The following STK26 variants were observed in gnomAD, a reference collection of about 807,000 sequenced individuals.
STK26 encodes serine/threonine kinase 26.
Under a neutral mutation model 34.7 loss-of-function variants are expected in STK26, and 14 were observed. The observed-to-expected ratio is 0.40, with a 90% CI of 0.27 to 0.63. The LOEUF is 0.63. Among genes scored for constraint, STK26 ranks in the 30% least tolerant of loss-of-function variants. STK26 has a pLI of 0.38. For missense variants in STK26, 226 were observed against 309.1 expected (o/e 0.73, Z 2.02); for synonymous variants, 100 against 109.8 (o/e 0.91, Z 0.56).
chrX:132,066,336 G>A (rs995995242), intron 4 of STK26, among the ~76,000 whole-genome samples: 2 of 111,953 alleles, frequency 1.8e-5, no homozygotes, highest in Admixed American at 1.9e-4. Flanking sequence ...CCATAAGAGA[G>A]GGCATAAAAT....
chrX:132,055,464 G>A, intron 3 of STK26: 1 of 1,154,750 alleles, frequency 8.7e-7, no homozygotes, highest in Non-Finnish European at 1.1e-6. Flanking sequence ...AGGATCATGG[G>A]ATTAGCAGAC....
chrX:132,071,090 C>A lies in STK26; in HGVS notation c.805C>A (p.Leu269Met). ...PSFRPTAKEL[L>M]KHKFIVKNSK... ...TTAGCGTCCTACAGCAAAAGAACTTCTGAAACACAAATTCATTGTAAAAAA... is the reference window on the plus strand; with the variant it reads ...TTAGCGTCCTACAGCAAAAGAACTTATGAAACACAAATTCATTGTAAAAAA... Residue 269 changes from leucine to methionine, a missense_variant, in exon 8 of 12, where the codon CTG becomes ATG. By Grantham distance (15) the Leu-to-Met change is conservative. Coordinates refer to ENST00000394334, the MANE Select transcript of STK26 (RefSeq NM_016542.4). The A allele has an allele frequency of 8.3e-7, 1 of 1,208,608 alleles. No homozygotes were observed. The highest frequency in any genetic ancestry group is 1.1e-6 in the Non-Finnish European group (1 of 893,773).
chrX:132,055,152 TC>T (rs1227282496), intron 3 of STK26, among the ~76,000 whole-genome samples: 6 of 112,034 alleles, frequency 5.4e-5, no homozygotes, highest in Non-Finnish European at 9.4e-5. Context: ...GAAAGAGCTA[TC>T]CCCCTGGGTT....
intron 3 of STK26, among the ~76,000 whole-genome samples, chrX:132,063,008 G>T (rs1445193953): frequency 1.1e-4 from 12 of 109,898 alleles, no homozygotes; most frequent in Non-Finnish European, 2.1e-4. Flanking sequence ...ATATTTATGG[G>T]GGTACATGAG....
rs1462068167 is a variant in STK26 at position 132,068,245 on chromosome X, A to G, written c.361A>G (p.Ile121Val). The G allele has an allele frequency of 8.3e-7, 1 of 1,206,710 alleles. No homozygotes were observed. Among genetic ancestry groups the G allele is most frequent in the South Asian group, 1.8e-5 (1 of 56,159 alleles). The change falls in exon 5 of 12, where the codon ATT (isoleucine) becomes GTT (valine). Residue 121 changes from isoleucine (I) to valine (V), a missense_variant. By Grantham distance (29) the Ile-to-Val change is conservative. Transcript: ENST00000394334. Reference protein sequence around the residue: ...LRAGPFDEFQIATMLKEILKG... With the variant: ...LRAGPFDEFQVATMLKEILKG... The stretch of plus-strand genomic sequence containing the variant: ...AGCTGGTCCATTTGATGAGTTCCAG[A>G]TTGCTACCATGCTAAAGGAAATTTT...
At chrX:132,060,689 C>A (rs1415859596) in intron 3 of STK26, among the ~76,000 whole-genome samples, 1 of 108,292 alleles carries the variant, frequency 9.2e-6, no homozygotes, top group Non-Finnish European at 1.9e-5. Flanking sequence ...AGTCTTGGCC[C>A]ACTGCAGCCT....
Position 132,055,672 on chromosome X carries a change from C to A in STK26, c.273+811C>A, listed in dbSNP as rs909123287. Among the ~76,000 whole-genome samples the A allele has an allele frequency of 5.3e-5, 6 of 112,156 alleles. No homozygotes were observed. In the East Asian group the frequency reaches 1.7e-3, roughly 31 times the overall value. ...CATTTTAAAATTAAAATTGTTTATC[C>A]TTGTATTGCAGTTTTTCAAATGAAG... is the stretch of plus-strand genomic sequence containing the variant. On this transcript the variant is annotated intron_variant, in intron 3 of 11. Coordinates refer to ENST00000394334, the MANE Select transcript of STK26 (RefSeq NM_016542.4).
chrX:132,042,875 T>C lies in STK26; in HGVS notation c.43-11756T>C, dbSNP rs1926316330. The stretch of plus-strand genomic sequence containing the variant: ...CCCAAGAGATAATTTTCCCTAGTCC[T>C]ACGATTCCATTGGGTAACTCTTAAT... On this transcript the variant is annotated intron_variant, in intron 2 of 11. Transcript: ENST00000394334. Among the ~76,000 whole-genome samples the C allele has an allele frequency of 1.8e-5, 2 of 111,801 alleles. 1 individual carries two copies. Among genetic ancestry groups the C allele is most frequent in the South Asian group, 7.4e-4 (2 of 2,714 alleles).
rs758125357 is a variant in STK26, at chrX:132,072,881, TA to T, written c.1089+7del. On this transcript the variant is annotated splice_region_variant and intron_variant, in intron 10 of 11. Coordinates refer to ENST00000394334, the MANE Select transcript of STK26 (RefSeq NM_016542.4). ...TCACACCTGCATTTGCTGAAGTAAGTACAGATTAATTAGCCTTGGATATCTG... is the reference window on the plus strand; with the variant it reads ...TCACACCTGCATTTGCTGAAGTAAGTCAGATTAATTAGCCTTGGATATCTG... 1 of 1,208,956 alleles carries T rather than the reference TA, an allele frequency of 8.3e-7. No individual in the cohort carries two copies. Among genetic ancestry groups the T allele is most frequent in the Non-Finnish European group, 1.1e-6 (1 of 892,943 alleles).
intron 2 of STK26, among the ~76,000 whole-genome samples, chrX:132,032,610 A>G (rs987470218): frequency 1.8e-5 from 2 of 111,826 alleles, no homozygotes; most frequent in Non-Finnish European, 3.8e-5. Context: ...TACAAGTACA[A>G]CCCTATTAAC....
In STK26 at chrX:132,072,981, G is replaced by A; in HGVS notation, c.1114G>A (p.Ala372Thr). 2.5e-6 allele frequency: 3 copies of A among 1,210,535 alleles called. No individual in the cohort carries two copies. The highest frequency in any genetic ancestry group is 3.4e-6 in the Non-Finnish European group (3 of 894,794). The change falls in exon 11 of 12, where the codon GCT becomes ACT. Residue 372 changes from alanine (A) to threonine (T), a missense_variant. Physicochemically the swap from Ala to Thr is moderately conservative, Grantham distance 58. Around this residue, in one of 2 missense-constraint regions of STK26, gnomAD observed 126 missense variants for 132.4 expected, o/e 0.95. Transcript: ENST00000394334. ...GCTTAAACAGCAGGACGAGAATAACGCTAGCAGGAATCAGGCGATTGAAGA... is the reference window on the plus strand; with the variant it reads ...GCTTAAACAGCAGGACGAGAATAACACTAGCAGGAATCAGGCGATTGAAGA... ...AELKQQDENN[A>T]SRNQAIEELE...
rs1342636355 is a variant in STK26, at chrX:132,073,757, T to G, written c.1227-378T>G. On this transcript the variant is annotated intron_variant, in intron 11 of 11. Transcript: ENST00000394334. ...TTGACCCTGCTATATCTCTTCTCAGTGCATCTTTATATTTCTTTGTGTTTG... is the reference window on the plus strand; with the variant it reads ...TTGACCCTGCTATATCTCTTCTCAGGGCATCTTTATATTTCTTTGTGTTTG... Among the ~76,000 whole-genome samples the G allele has an allele frequency of 2.7e-5, 3 of 112,086 alleles. No individual in the cohort carries two copies. The East Asian group carries it at 8.4e-4, about 31-fold the overall frequency.
chrX:132,066,119 A>T, intron 4 of STK26, among the ~76,000 whole-genome samples: 1 of 112,080 alleles, frequency 8.9e-6, no homozygotes, highest in East Asian at 2.8e-4. Flanking sequence ...TGTTAACATT[A>T]TACAGTGTCT....
intron 3 of STK26, among the ~76,000 whole-genome samples, chrX:132,055,860 G>A (rs1045888060): frequency 1.8e-5 from 2 of 111,553 alleles, no homozygotes; most frequent in Non-Finnish European, 3.8e-5. Flanking sequence ...ATAAAACTTC[G>A]GATATCCATC....
At chrX:132,037,769 C>CTTTGTTTTTTT (rs1926107765) in intron 2 of STK26, among the ~76,000 whole-genome samples, 1 of 51,868 alleles carries the variant, frequency 1.9e-5, no homozygotes, top group African/African-American at 8.8e-5. Context: ...CGGAGAGCTG[C>CTTTGTTTTTTT]TTTTTTTTTT....
At chrX:132,073,479 T>G (rs1927487717) in intron 11 of STK26, among the ~76,000 whole-genome samples, 1 of 111,626 alleles carries the variant, frequency 9.0e-6, no homozygotes, top group East Asian at 2.8e-4. Flanking sequence ...TTTCCAGTGC[T>G]AAAGTTCCTA....
At chrX:132,065,123 G>A (rs1230602847) in intron 4 of STK26, among the ~76,000 whole-genome samples, 6 of 111,479 alleles carry the variant, frequency 5.4e-5, no homozygotes, top group Non-Finnish European at 1.1e-4. Context: ...TAAAGCCTGA[G>A]TTCATTTTTT....
At position 132,072,794 on chromosome X, in the gene STK26, C is replaced by G; in HGVS notation, c.1027-19C>G. Reference sequence around the variant, plus strand: ...CTTATTTTAATTTCATGTGTATAATCTATATTATTTGTTCAAAGGAGCAAG... The same window carrying G: ...CTTATTTTAATTTCATGTGTATAATGTATATTATTTGTTCAAAGGAGCAAG... On this transcript the variant is annotated intron_variant, in intron 9 of 11. Coordinates refer to ENST00000394334, the MANE Select transcript of STK26 (RefSeq NM_016542.4). The G allele has an allele frequency of 8.4e-7, 1 of 1,192,181 alleles. No homozygotes were observed. Among genetic ancestry groups the G allele is most frequent in the Non-Finnish European group, 1.1e-6 (1 of 878,682 alleles).
chrX:132,029,742 A>G (rs1925758920), intron 2 of STK26, among the ~76,000 whole-genome samples: 1 of 111,204 alleles, frequency 9.0e-6, no homozygotes, highest in Non-Finnish European at 1.9e-5. Context: ...AAGGTCCTCC[A>G]TCTTAGCTTC....
Sources: gnomAD v4.1 joint callset for allele counts (sites outside exome capture counted in the v4.1 genomes callset) on GRCh38, gnomAD v4.1.1 for gene constraint, gnomAD v4.1.1 regional missense constraint, MANE v1.5 for transcripts, NCBI Gene and HGNC (gene_info 2026-07-23, HGNC 2026-07-21) for gene names.